Variants in LTBP1 observed in about 807,000 individuals in gnomAD.
The protein encoded by LTBP1 is latent transforming growth factor beta binding protein 1, also known as latent-transforming growth factor beta-binding protein 1.
In LTBP1, 129 loss-of-function variants were observed where a neutral mutation model predicts 207.6. That is an observed-to-expected ratio of 0.62 (90% CI 0.54 to 0.72). LTBP1 has a LOEUF of 0.72. Among genes scored for constraint, LTBP1 ranks in the 30% least tolerant of loss-of-function variants. LTBP1 has a pLI of 0.00. For synonymous variants in LTBP1, 963 were observed against 833.7 expected, an observed-to-expected ratio of 1.16 and a Z score of -2.67; for missense variants, 2,281 against 2,217.2, an observed-to-expected ratio of 1.03 and a Z score of -0.58.
intron 10 of LTBP1, among the ~76,000 whole-genome samples, chr2:33,250,744 A>T (rs2092660251): frequency 6.6e-6 from 1 of 151,978 alleles, no homozygotes; most frequent in Admixed American, 6.6e-5. Flanking sequence ...ACACCTTCTG[A>T]GTCTTAAGCA....
chr2:33,276,207 C>A (rs2093423019), intron 18 of LTBP1, among the ~76,000 whole-genome samples: 1 of 152,176 alleles, frequency 6.6e-6, no homozygotes, highest in East Asian at 1.9e-4. Context: ...TTAGTAGAAA[C>A]ACAGACTTAA....
At chr2:33,390,179 G>A (rs1252924894) in intron 32 of LTBP1, among the ~76,000 whole-genome samples, 1 of 152,192 alleles carries the variant, frequency 6.6e-6, no homozygotes, top group African/African-American at 2.4e-5. Context: ...GATTTATGGA[G>A]TAAGAAATAA....
At chr2:33,099,855 C>T (rs753143239) in intron 3 of LTBP1, among the ~76,000 whole-genome samples, 1 of 152,130 alleles carries the variant, frequency 6.6e-6, no homozygotes, top group African/African-American at 2.4e-5. Context: ...AAATTGTGAA[C>T]GAACAGCTTC....
At chr2:33,238,813 C>T (rs912485124) in intron 9 of LTBP1, among the ~76,000 whole-genome samples, 7 of 152,170 alleles carry the variant, frequency 4.6e-5, no homozygotes, top group African/African-American at 1.7e-4. Flanking sequence ...ATACGGTGTG[C>T]TATAGAAATG....
chr2:33,331,344 G>A (rs1487406829), intron 24 of LTBP1, among the ~76,000 whole-genome samples: 1 of 151,594 alleles, frequency 6.6e-6, no homozygotes, highest in Non-Finnish European at 1.5e-5. Flanking sequence ...TCTAATATTT[G>A]TATTTATAGG....
intron 5 of LTBP1, among the ~76,000 whole-genome samples, chr2:33,175,046 T>C (rs1449791451): frequency 1.3e-5 from 2 of 152,154 alleles, no homozygotes; most frequent in East Asian, 3.8e-4. Flanking sequence ...CCTAAAACCA[T>C]AGAAACCCTA....
intron 2 of LTBP1, among the ~76,000 whole-genome samples, chr2:33,012,497 A>G (rs1005306143): frequency 2.6e-5 from 4 of 152,156 alleles, no homozygotes; most frequent in Non-Finnish European, 4.4e-5. Flanking sequence ...ATATTTGCCA[A>G]TTGTCCAATT....
intron 23 of LTBP1, among the ~76,000 whole-genome samples, chr2:33,314,366 A>G (rs2094233673): frequency 1.3e-5 from 2 of 152,162 alleles, no homozygotes; most frequent in South Asian, 2.1e-4. Flanking sequence ...CCTGGGCATC[A>G]TAGTGAGACC....
At chr2:33,048,144 G>A (rs17396773) in intron 3 of LTBP1, among the ~76,000 whole-genome samples, 1 of 152,168 alleles carries the variant, frequency 6.6e-6, no homozygotes, top group Non-Finnish European at 1.5e-5. Flanking sequence ...TCAGAGATCT[G>A]TTGTAAGGAT....
At chr2:33,073,819 G>A (rs576192552) in intron 3 of LTBP1, among the ~76,000 whole-genome samples, 1 of 152,064 alleles carries the variant, frequency 6.6e-6, no homozygotes, top group Non-Finnish European at 1.5e-5. Flanking sequence ...TAGAGACAGG[G>A]TTTCACCATG....
At chr2:33,132,323 T>C (rs2081861493) in intron 4 of LTBP1, among the ~76,000 whole-genome samples, 1 of 151,852 alleles carries the variant, frequency 6.6e-6, no homozygotes, top group African/African-American at 2.4e-5. Flanking sequence ...GATTCTGTTG[T>C]TTTTTTTGAA....
intron 3 of LTBP1, among the ~76,000 whole-genome samples, chr2:33,060,194 T>G (rs931535367): frequency 1.3e-5 from 2 of 152,172 alleles, no homozygotes; most frequent in Admixed American, 1.3e-4. Flanking sequence ...GCTTACTCTG[T>G]TGCAGGCTGG....
chr2:33,268,517 C>T (rs998959907), intron 15 of LTBP1, among the ~76,000 whole-genome samples: 2 of 152,212 alleles, frequency 1.3e-5, no homozygotes, highest in African/African-American at 4.8e-5. Flanking sequence ...AGCCACATAT[C>T]TGCAGGAAAT....
intron 22 of LTBP1, among the ~76,000 whole-genome samples, chr2:33,307,305 C>G (rs998507185): frequency 2.0e-5 from 3 of 152,128 alleles, no homozygotes; most frequent in Admixed American, 6.6e-5. Flanking sequence ...AAGGTAAAAT[C>G]ATATGTTCAC....
chr2:33,348,261 A>G (rs573619188), intron 26 of LTBP1, among the ~76,000 whole-genome samples: 34 of 151,914 alleles, frequency 2.2e-4, no homozygotes, highest in Non-Finnish European at 4.4e-4. Flanking sequence ...AGCTTTCACT[A>G]CTCCTCTGGA....
chr2:33,190,280 A>G (rs189827519), intron 7 of LTBP1, among the ~76,000 whole-genome samples: 40 of 152,272 alleles, frequency 2.6e-4, no homozygotes, highest in African/African-American at 9.4e-4. Flanking sequence ...TCATGAGAAG[A>G]CTAGATGAGA....
chr2:33,078,180 C>A (rs1386421010), intron 3 of LTBP1, among the ~76,000 whole-genome samples: 6 of 152,182 alleles, frequency 3.9e-5, no homozygotes, highest in Non-Finnish European at 5.9e-5. Context: ...GTTGTAACAG[C>A]ATGAACTTGG....
chr2:33,293,044 A>C (rs181547283), intron 19 of LTBP1, 116 bp from the exon 20 acceptor site: 1 of 1,063,384 alleles, frequency 9.4e-7, no homozygotes, highest in Non-Finnish European at 1.3e-6. Context: ...GTTTATCTTT[A>C]AGAATCTGCC....
At chr2:33,397,097 G>A (rs774157579) in intron 32 of LTBP1, 36 bp from the exon 33 acceptor site, 1 of 1,595,446 alleles carries the variant, frequency 6.3e-7, no homozygotes, top group Admixed American at 1.7e-5. Context: ...AGGAAGTTGA[G>A]AAGCTCTAAC....
Sources: allele counts gnomAD v4.1 joint callset (sites outside exome capture counted in the v4.1 genomes callset), GRCh38; gene constraint gnomAD v4.1.1; transcripts MANE v1.5; gene names NCBI Gene and HGNC (gene_info 2026-07-23, HGNC 2026-07-21).